The following CENPS variants were observed in gnomAD, a reference collection of about 807,000 sequenced individuals.
CENPS encodes the protein FANCM associated histone fold protein 1.
In CENPS, 16 loss-of-function variants were observed where a neutral mutation model predicts 17.9. That is an observed-to-expected ratio of 0.90 (90% CI 0.61 to 1.36). CENPS has a LOEUF of 1.36. Among genes scored for constraint, CENPS ranks in the 40% most tolerant of loss-of-function variants. The probability of loss-of-function intolerance (pLI) is 0.00; values close to 1 mark genes in which losing one functional copy is unlikely to be tolerated. For synonymous variants in CENPS, 49 were observed against 55.8 expected, an observed-to-expected ratio of 0.88 and a Z score of 0.54; for missense variants, 160 against 158.6, an observed-to-expected ratio of 1.01 and a Z score of -0.05.
In CENPS at chr1:10,442,137, G is replaced by A. The variant is rs527737151; in HGVS notation, c.277-128G>A. 8 of 1,229,318 alleles carry A rather than the reference G, an allele frequency of 6.5e-6. No individual in the cohort carries two copies. The African/African-American group carries it at 8.0e-5, about 12-fold the overall frequency. The allele number at this position is 1,229,318 out of a possible 1,614,324, so 76.2% of individuals were successfully genotyped here. On this transcript the variant is annotated intron_variant, in intron 4 of 4. Coordinates refer to ENST00000309048, the MANE Select transcript of CENPS (RefSeq NM_199294.3). ...GTTTAATTCTTAGAAATGTAACCCA[G>A]GCTTTGGCTTTTCTACCCAAATTCT...
intron 4 of CENPS, 44 bp downstream of exon 4, chr1:10,440,457 TA>T (rs774951727): frequency 1.2e-6 from 2 of 1,607,284 alleles, no homozygotes; most frequent in Non-Finnish European, 1.7e-6. Flanking sequence ...CCCATCGGAA[TA>T]CATTATTCCC....
At chr1:10,435,323 A>C (rs1189986116) in intron 3 of CENPS, among the ~76,000 whole-genome samples, 1 of 152,128 alleles carries the variant, frequency 6.6e-6, no homozygotes, top group Non-Finnish European at 1.5e-5. Flanking sequence ...GAAAGGGCGA[A>C]AGTGTTCTAA....
chr1:10,433,684 C>T (rs1037646819), intron 1 of CENPS, among the ~76,000 whole-genome samples, 158 bp from the exon 2 acceptor site: 1 of 152,186 alleles, frequency 6.6e-6, no homozygotes, highest in Non-Finnish European at 1.5e-5. Context: ...CAGTGGGTCT[C>T]ATTAACTTAT....
At chr1:10,430,829 AG>A in intron 1 of CENPS, 8 of 1,341,512 alleles carry the variant, frequency 6.0e-6, no homozygotes, top group South Asian at 1.9e-5. Context: ...CGGCGGCGAG[AG>A]GCCACCTTCT....
intron 3 of CENPS, among the ~76,000 whole-genome samples, chr1:10,438,200 A>C (rs936286063): frequency 6.6e-6 from 1 of 152,290 alleles, no homozygotes; most frequent in East Asian, 1.9e-4. Context: ...GCTGGAGTGC[A>C]GTGGTGTGAT....
intron 3 of CENPS, among the ~76,000 whole-genome samples, chr1:10,435,704 T>C (rs1640118173): frequency 7.0e-6 from 1 of 143,560 alleles, no homozygotes; most frequent in Non-Finnish European, 1.5e-5. Context: ...TTAAAAATAA[T>C]ATATATATAT....
At chr1:10,436,326 G>T (rs1321238376) in intron 3 of CENPS, among the ~76,000 whole-genome samples, 1 of 151,482 alleles carries the variant, frequency 6.6e-6, no homozygotes, top group African/African-American at 2.4e-5. Context: ...AGGGGTATGT[G>T]CGTGCATGTG....
chr1:10,436,675 C>T (rs1640173828), intron 3 of CENPS, among the ~76,000 whole-genome samples: 2 of 147,952 alleles, frequency 1.4e-5, no homozygotes, highest in African/African-American at 5.0e-5. Flanking sequence ...CCCTTCACTC[C>T]AGCCTGGGTG....
chr1:10,441,367 G>C (rs1339364637), intron 4 of CENPS, among the ~76,000 whole-genome samples: 14 of 145,910 alleles, frequency 9.6e-5, no homozygotes, highest in Non-Finnish European at 1.9e-4. Flanking sequence ...CCCAGGCTGA[G>C]GGCAGTGGCG....
At chr1:10,434,111 T>C in intron 2 of CENPS, 146 bp downstream of exon 2, 1 of 1,463,750 alleles carries the variant, frequency 6.8e-7, no homozygotes, top group Non-Finnish European at 9.1e-7. Context: ...GAAACACTTC[T>C]CTTCTTGGCT....
At chr1:10,435,474 C>A (rs1381843067) in intron 3 of CENPS, among the ~76,000 whole-genome samples, 1 of 151,586 alleles carries the variant, frequency 6.6e-6, no homozygotes, top group African/African-American at 2.4e-5. Flanking sequence ...CTCAATCTGT[C>A]CTATTCCTGT....
chr1:10,435,017 T>C (rs1359241571), intron 3 of CENPS, among the ~76,000 whole-genome samples: 3 of 152,260 alleles, frequency 2.0e-5, no homozygotes, highest in Admixed American at 1.3e-4. Flanking sequence ...GTGGTTTGAT[T>C]GCTCAGGGTT....
At chr1:10,435,081 G>T (rs1640090876) in intron 3 of CENPS, among the ~76,000 whole-genome samples, 1 of 152,176 alleles carries the variant, frequency 6.6e-6, no homozygotes. Context: ...GCTGCAGCGT[G>T]TCCACGGTGG....
At position 10,440,391 on chromosome 1, in the gene CENPS, TAGCC is replaced by T; in HGVS notation, c.257_260del (p.Ala86GlyfsTer7). 1 of 1,614,084 alleles carries T rather than the reference TAGCC, an allele frequency of 6.2e-7. No individual in the cohort carries two copies. Among genetic ancestry groups the T allele is most frequent in the South Asian group, 1.1e-5 (1 of 91,052 alleles). On this transcript the variant is annotated frameshift_variant, in exon 4 of 5. Transcript: ENST00000309048. LOFTEE classifies it low-confidence loss of function (END_TRUNC). ...ATTAACACTGAAGATGTGAAGCTCTTAGCCAGGAGGAGTAATTCACTGGTGAGAG... is the reference window on the plus strand; with the variant it reads ...ATTAACACTGAAGATGTGAAGCTCTTAGGAGGAGTAATTCACTGGTGAGAG...
chr1:10,438,446 G>C (rs1324823046), intron 3 of CENPS, among the ~76,000 whole-genome samples: 1 of 152,156 alleles, frequency 6.6e-6, no homozygotes, highest in Non-Finnish European at 1.5e-5. Flanking sequence ...CACCTGGCCT[G>C]AGTTGTGAAT....
chr1:10,433,933 CG>C lies in CENPS; in HGVS notation c.145del (p.Ala49ProfsTer5), dbSNP rs1557774987. ...ATGCAGTTCAGCAAACAGACCATTG[CG>C]GCCATTTCGGAGCTGACTTTCCGAC... ...KEMQFSKQTI[A>X]AISELTFRQC... On this transcript the variant is annotated frameshift_variant, in exon 2 of 5. Coordinates refer to ENST00000309048, the MANE Select transcript of CENPS (RefSeq NM_199294.3). LOFTEE classifies it high-confidence loss of function. The C allele has an allele frequency of 1.2e-6, 2 of 1,614,168 alleles. No individual in the cohort carries two copies. The highest frequency in any genetic ancestry group is 2.7e-5 in the African/African-American group (2 of 75,034).
chr1:10,440,879 T>TA (rs35315955), intron 4 of CENPS, among the ~76,000 whole-genome samples: 48,114 of 152,176 alleles, frequency 0.32, 8,904 homozygotes, highest in South Asian at 0.43. Context: ...GACCCAGAGA[T>TA]ACTCTGGTCA....
At chr1:10,430,985 C>G in intron 1 of CENPS, 1 of 1,270,804 alleles carries the variant, frequency 7.9e-7, no homozygotes, top group Non-Finnish European at 1.0e-6. Context: ...GAGGCGTCGA[C>G]CCCTCGTTAC....
intron 3 of CENPS, among the ~76,000 whole-genome samples, chr1:10,435,827 G>T (rs941395916): frequency 6.6e-5 from 10 of 151,630 alleles, no homozygotes; most frequent in African/African-American, 2.4e-4. Context: ...TCCTGCCTTG[G>T]GCTCCCAAAG....
Sources: allele counts gnomAD v4.1 joint callset (sites outside exome capture counted in the v4.1 genomes callset), GRCh38; gene constraint gnomAD v4.1.1; transcripts MANE v1.5; gene names NCBI Gene and HGNC (gene_info 2026-07-23, HGNC 2026-07-21).